The following HCN4 variants were observed in gnomAD, a reference collection of about 807,000 sequenced individuals.
HCN4 encodes hyperpolarization activated cyclic nucleotide gated potassium channel 4, also known as potassium/sodium hyperpolarization-activated cyclic nucleotide-gated channel 4.
In HCN4, 29 loss-of-function variants were observed where a neutral mutation model predicts 76.9. That is an observed-to-expected ratio of 0.38 (90% CI 0.28 to 0.51). HCN4 has a LOEUF of 0.51. Ranked by LOEUF, HCN4 falls within the 20% of genes least tolerant of loss-of-function variation. The probability of loss-of-function intolerance (pLI) is 0.90; values close to 1 mark genes in which losing one functional copy is unlikely to be tolerated. For missense variants in HCN4, 1,416 were observed against 1,715.2 expected (o/e 0.83, Z 3.08); for synonymous variants, 772 against 762.5 (o/e 1.01, Z -0.21).
chr15:73,332,210 C>T lies in HCN4; in HGVS notation c.1292G>A (p.Trp431Ter). 6.2e-7 allele frequency: 1 copy of T among 1,614,218 alleles called. No homozygotes were observed. Among genetic ancestry groups the T allele is most frequent in the Non-Finnish European group, 8.5e-7 (1 of 1,180,030 alleles). ...TACCAGGAACTGCAGGCAGCCGTCC[C>T]AGTGGCAGAGCAGGAGCATCATGCC... ...LIGMMLLLCH[W>*]DGCLQFLVPM... The change falls in exon 3 of 8, where the codon TGG becomes TAG. Residue 431 changes from tryptophan to a stop codon, truncating the protein, a stop_gained. Transcript: ENST00000261917. LOFTEE classifies it high-confidence loss of function.
At chr15:73,336,377 G>T (rs2042965660) in intron 2 of HCN4, among the ~76,000 whole-genome samples, 1 of 152,168 alleles carries the variant, frequency 6.6e-6, no homozygotes. Flanking sequence ...AGGGGCTGTG[G>T]AGACCGGCAA....
chr15:73,357,123 C>G (rs564579136), intron 1 of HCN4, among the ~76,000 whole-genome samples: 204 of 152,342 alleles, frequency 1.3e-3, no homozygotes, highest in Admixed American at 5.1e-3. Context: ...CCAGATGACT[C>G]TTCAGCGGCT....
intron 1 of HCN4, among the ~76,000 whole-genome samples, chr15:73,358,897 C>A (rs965966422): frequency 1.3e-5 from 2 of 151,786 alleles, no homozygotes; most frequent in African/African-American, 4.9e-5. Context: ...GAAGTGGAAC[C>A]CTACTCTCCA....
At chr15:73,348,703 G>A (rs1332930725) in intron 1 of HCN4, among the ~76,000 whole-genome samples, 1 of 152,174 alleles carries the variant, frequency 6.6e-6, no homozygotes, top group Non-Finnish European at 1.5e-5. Context: ...GGAGGACAGG[G>A]ACCTTGTCTC....
In HCN4 at chr15:73,367,962, C is replaced by T; in HGVS notation, c.309G>A (p.Leu103=). 1 of 1,348,348 alleles carries T rather than the reference C, an allele frequency of 7.4e-7. No individual in the cohort carries two copies. The highest frequency in any genetic ancestry group is 9.5e-7 in the Non-Finnish European group (1 of 1,055,816). The allele number at this position is 1,348,348 out of a possible 1,614,324, so 83.5% of individuals were successfully genotyped here. A position where few individuals can be genotyped will look rare whatever the true frequency, so the allele number is the denominator to read the frequency against. Residue 103 remains leucine (L), a synonymous_variant, in exon 1 of 8, where the codon CTG becomes CTA. Coordinates refer to ENST00000261917, the MANE Select transcript of HCN4 (RefSeq NM_005477.3). This position sits in a 1 kb window ranked among gnomAD's most constrained non-coding sequence, Gnocchi z 7.5. ...CGCCGCTGCCGCCGCCCCGGCTGCC[C>T]AGCGAGGCCAGGCTCCCGCGGAAGC... The part of the protein sequence containing the change: ...CRRFRGSLAS[L]GSRGGGSGGT...
Position 73,323,795 on chromosome 15 carries a change from G to C in HCN4, c.2298C>G (p.Thr766=), listed in dbSNP as rs1483290023. ...AHRVQAAASA[T]PTPTPVIWTP... ...TCCAGATGACGGGCGTGGGGGTTGG[G>C]GTGGCAGAGGCAGCAGCCTGGACGC... Residue 766 remains threonine (T), a synonymous_variant, in exon 8 of 8, where the codon ACC becomes ACG. Coordinates refer to ENST00000261917, the MANE Select transcript of HCN4 (RefSeq NM_005477.3). 1 of 1,607,704 alleles carries C rather than the reference G, an allele frequency of 6.2e-7. No individual in the cohort carries two copies.
intron 2 of HCN4, among the ~76,000 whole-genome samples, chr15:73,334,639 C>T (rs912864270): frequency 2.6e-5 from 4 of 151,986 alleles, no homozygotes; most frequent in African/African-American, 9.7e-5. Flanking sequence ...GCACCATTCA[C>T]GGTCTCAGAG....
At chr15:73,344,531 G>A (rs1378478571) in intron 1 of HCN4, among the ~76,000 whole-genome samples, 1 of 152,148 alleles carries the variant, frequency 6.6e-6, no homozygotes, top group Non-Finnish European at 1.5e-5. Context: ...TCCTAACATG[G>A]GGGTGTGGAG....
rs2151221139 is a variant in HCN4 at position 73,343,382 on chromosome 15, T to C, written c.1209+3A>G. The stretch of plus-strand genomic sequence containing the variant: ...CCCCAAGAGGTTTGCACTGACCACT[T>C]ACCTCTTCCCACTGGTGAATATATC... On this transcript the variant is annotated splice_donor_region_variant and intron_variant, in intron 2 of 7. Coordinates refer to ENST00000261917, the MANE Select transcript of HCN4 (RefSeq NM_005477.3). The surrounding 1 kb of genome is among the most constrained non-coding windows in gnomAD (Gnocchi z 5.7). 2 of 1,613,946 alleles carry C rather than the reference T, an allele frequency of 1.2e-6. No individual in the cohort carries two copies. The highest frequency in any genetic ancestry group is 1.7e-6 in the Non-Finnish European group (2 of 1,179,940).
rs1000114404 is a variant in HCN4 at position 73,321,737 on chromosome 15, G to A, written c.*744C>T. 1.3e-5 allele frequency: 2 copies of A among 152,698 alleles called. No homozygotes were observed. Among genetic ancestry groups the A allele is most frequent in the Non-Finnish European group, 2.9e-5 (2 of 68,244 alleles). 9.5% of individuals were successfully genotyped at this position (152,698 alleles called of 1,614,324 possible). On this transcript the variant is annotated 3_prime_UTR_variant, in exon 8 of 8. Transcript: ENST00000261917. The stretch of plus-strand genomic sequence containing the variant: ...GGGGTCCTCTTCCCTGAGGACTGGA[G>A]AGAGAACGTCCCTAGACCATGCAGT...
chr15:73,340,025 G>A (rs1026864885), intron 2 of HCN4, among the ~76,000 whole-genome samples: 3 of 152,152 alleles, frequency 2.0e-5, no homozygotes, highest in South Asian at 4.1e-4. Context: ...TCCTCCCCAC[G>A]AGATGGGGCG....
At position 73,325,037 on chromosome 15, in the gene HCN4, C is replaced by T. The variant is rs200737571; in HGVS notation, c.1896G>A (p.Met632Ile). The T allele has an allele frequency of 2.3e-5, 37 of 1,614,114 alleles. No individual in the cohort carries two copies. Among genetic ancestry groups the T allele is most frequent in the Non-Finnish European group, 3.4e-6 (4 of 1,180,050 alleles). ...IIREGTIGKK[M>I]YFIQHGVVSV... ...TGACCACGCCATGCTGGATGAAGTA[C>T]ATCTTCTTGCCAATGGTGCCTTCCC... Residue 632 changes from methionine to isoleucine, a missense_variant, in exon 6 of 8, where the codon ATG (methionine) becomes ATA (isoleucine). Coordinates refer to ENST00000261917, the MANE Select transcript of HCN4 (RefSeq NM_005477.3). This position sits in a 1 kb window ranked among gnomAD's most constrained non-coding sequence, Gnocchi z 7.4.
In HCN4 at chr15:73,323,265, G is replaced by T. The variant is rs1455977664; in HGVS notation, c.2828C>A (p.Pro943His). 1 of 1,528,868 alleles carries T rather than the reference G, an allele frequency of 6.5e-7. No homozygotes were observed. The highest frequency in any genetic ancestry group is 1.4e-5 in the African/African-American group (1 of 73,612). The allele number at this position is 1,528,868 out of a possible 1,614,324, so 94.7% of individuals were successfully genotyped here. A position where few individuals can be genotyped will look rare whatever the true frequency, so the allele number is the denominator to read the frequency against. Residue 943 changes from proline to histidine, a missense_variant, in exon 8 of 8, where the codon CCC becomes CAC. By Grantham distance (77) the Pro-to-His change is moderately conservative. Around this residue, in one of 6 missense-constraint regions of HCN4, gnomAD observed 633 missense variants for 579.8 expected, o/e 1.09. Transcript: ENST00000261917. Reference protein sequence around the residue: ...ARSPQAAQPSPAPPGARGGLG... With the variant: ...ARSPQAAQPSHAPPGARGGLG... Reference sequence around the variant, plus strand: ...GCCTCCCCGGGCCCCGGGTGGCGCGGGAGATGGCTGGGCAGCCTGCGGGGA... The same window carrying T: ...GCCTCCCCGGGCCCCGGGTGGCGCGTGAGATGGCTGGGCAGCCTGCGGGGA...
rs1186443318 is a variant in HCN4, at chr15:73,368,316, C to A, written c.-46G>T. ...GACCGGGCCGGGGGCAGGAGCGCGG[C>A]GCCGCGGACGGGCTCCAGGTCCGCC... On this transcript the variant is annotated 5_prime_UTR_variant, in exon 1 of 8. Coordinates refer to ENST00000261917, the MANE Select transcript of HCN4 (RefSeq NM_005477.3). This position sits in a 1 kb window ranked among gnomAD's most constrained non-coding sequence, Gnocchi z 6.9. 2 of 1,369,606 alleles carry A rather than the reference C, an allele frequency of 1.5e-6. No homozygotes were observed. Among genetic ancestry groups the A allele is most frequent in the Non-Finnish European group, 1.9e-6 (2 of 1,051,064 alleles). The allele number at this position is 1,369,606 out of a possible 1,614,324, so 84.8% of individuals were successfully genotyped here. A position where few individuals can be genotyped will look rare whatever the true frequency, so the allele number is the denominator to read the frequency against.
chr15:73,343,888 A>G lies in HCN4; in HGVS notation c.786-80T>C. ...ACTAAGGGAGGAAGATCTGAGGGAC[A>G]GCATCTGGGACAGAGAAGTCTTGGG... On this transcript the variant is annotated intron_variant, in intron 1 of 7. Transcript: ENST00000261917. The surrounding 1 kb of genome is among the most constrained non-coding windows in gnomAD (Gnocchi z 5.7). The G allele has an allele frequency of 1.4e-6, 2 of 1,454,946 alleles. No individual in the cohort carries two copies. Among genetic ancestry groups the G allele is most frequent in the Non-Finnish European group, 1.9e-6 (2 of 1,040,522 alleles). The allele number at this position is 1,454,946 out of a possible 1,614,324, so 90.1% of individuals were successfully genotyped here.
At position 73,325,164 on chromosome 15, in the gene HCN4, A is replaced by G; in HGVS notation, c.1769T>C (p.Val590Ala). ...EIINFNCRKL[V>A]ASMPLFANAD... ...ATTGGCAAACAGTGGCATGGAGGCC[A>G]CCAGCTTCCGACAGTTAAAGTTGAT... Residue 590 changes from valine to alanine, a missense_variant, in exon 6 of 8, where the codon GTG becomes GCG. Transcript: ENST00000261917. This position sits in a 1 kb window ranked among gnomAD's most constrained non-coding sequence, Gnocchi z 7.4. 6.2e-7 allele frequency: 1 copy of G among 1,614,186 alleles called. No homozygotes were observed. The highest frequency in any genetic ancestry group is 8.5e-7 in the Non-Finnish European group (1 of 1,180,022).
At position 73,367,913 on chromosome 15, in the gene HCN4, C is replaced by T. The variant is rs766202352; in HGVS notation, c.358G>A (p.Gly120Arg). Residue 120 changes from glycine to arginine, a missense_variant, in exon 1 of 8, where the codon GGA (glycine) becomes AGA (arginine). By Grantham distance (125) the Gly-to-Arg change is moderately radical (BLOSUM62 -2). Coordinates refer to ENST00000261917, the MANE Select transcript of HCN4 (RefSeq NM_005477.3). The surrounding 1 kb of genome is among the most constrained non-coding windows in gnomAD (Gnocchi z 7.5). ...SGGTGSGSSH[G>R]HLHDSAEERR... ...TCCTCCGCGGAGTCATGCAGGTGTC[C>T]GTGACTGCTGCCGCTCCCCGTGCCG... 1 of 1,384,004 alleles carries T rather than the reference C, an allele frequency of 7.2e-7. No homozygotes were observed. Among genetic ancestry groups the T allele is most frequent in the Non-Finnish European group, 9.3e-7 (1 of 1,071,252 alleles). The allele number at this position is 1,384,004 out of a possible 1,614,324, so 85.7% of individuals were successfully genotyped here.
chr15:73,367,079 G>C lies in HCN4; in HGVS notation c.785+407C>G, dbSNP rs531371631. 1.3e-5 allele frequency among the ~76,000 whole-genome samples: 2 copies of C among 152,322 alleles called. No homozygotes were observed. The highest frequency in any genetic ancestry group is 4.1e-4 in the South Asian group (2 of 4,826). On this transcript the variant is annotated intron_variant, in intron 1 of 7. Coordinates refer to ENST00000261917, the MANE Select transcript of HCN4 (RefSeq NM_005477.3). The surrounding 1 kb of genome is among the most constrained non-coding windows in gnomAD (Gnocchi z 7.5). ...CAAGGAGCTGGCCCGTTGCTAAGAG[G>C]TCTGTCTCTCTTCACGGCCCTGCTC...
chr15:73,347,781 G>A (rs756787655), intron 1 of HCN4, among the ~76,000 whole-genome samples: 1 of 152,160 alleles, frequency 6.6e-6, no homozygotes, highest in Non-Finnish European at 1.5e-5. Context: ...ATATCCTGGA[G>A]TTGGCACGTG....
Sources: gnomAD v4.1 joint callset for allele counts (sites outside exome capture counted in the v4.1 genomes callset) on GRCh38, gnomAD v4.1.1 for gene constraint, gnomAD v4.1.1 regional missense constraint, Gnocchi (gnomAD v3.1) non-coding constraint, MANE v1.5 for transcripts, NCBI Gene and HGNC (gene_info 2026-07-23, HGNC 2026-07-21) for gene names.